Variants in RPTOR observed in about 807,000 individuals in gnomAD.
The protein encoded by RPTOR is regulatory associated protein of MTOR complex 1, also known as regulatory-associated protein of mTOR.
A neutral mutation model predicts 169.9 loss-of-function variants in RPTOR; 21 were observed. That is an observed-to-expected ratio of 0.12 (90% CI 0.09 to 0.18). RPTOR has a LOEUF of 0.18. Among genes scored for constraint, RPTOR ranks in the 10% least tolerant of loss-of-function variants. RPTOR has a pLI of 1.00. For synonymous variants in RPTOR, 732 were observed against 753.2 expected (o/e 0.97, Z 0.46); for missense variants, 1,133 against 1,855.9 (o/e 0.61, Z 7.16).
At position 80,820,654 on chromosome 17, in the gene RPTOR, C is replaced by G. The variant is rs549932673; in HGVS notation, c.891-1547C>G. 2.6e-5 allele frequency among the ~76,000 whole-genome samples: 4 copies of G among 152,222 alleles called. No homozygotes were observed. Among genetic ancestry groups the G allele is most frequent in the Non-Finnish European group, 5.9e-5 (4 of 68,036 alleles). Reference sequence around the variant, plus strand: ...TGCTCGGAGGTCGGAGGGCAGGCAGCCTGGCCATTCCTCCTGCGCACAGTG... The same window carrying G: ...TGCTCGGAGGTCGGAGGGCAGGCAGGCTGGCCATTCCTCCTGCGCACAGTG... On this transcript the variant is annotated intron_variant, in intron 7 of 33. Coordinates refer to ENST00000306801, the MANE Select transcript of RPTOR (RefSeq NM_020761.3). The surrounding 1 kb of genome is among the most constrained non-coding windows in gnomAD (Gnocchi z 4.1).
At chr17:80,848,947 A>G (rs61364990) in intron 11 of RPTOR, among the ~76,000 whole-genome samples, 10,746 of 152,276 alleles carry the variant, frequency 0.071, 1,208 homozygotes, top group African/African-American at 0.24. Flanking sequence ...CATTTCCCAC[A>G]TGATTTTCCA....
intron 1 of RPTOR, among the ~76,000 whole-genome samples, chr17:80,556,337 C>A (rs2084408229): frequency 6.6e-6 from 1 of 152,130 alleles, no homozygotes; most frequent in Non-Finnish European, 1.5e-5. Flanking sequence ...CAAAGTGAGG[C>A]CCTGTCTCTA....
intron 1 of RPTOR, among the ~76,000 whole-genome samples, chr17:80,610,994 T>C (rs576924070): frequency 1.3e-5 from 2 of 152,332 alleles, no homozygotes; most frequent in East Asian, 3.9e-4. Context: ...AGTAAAATGC[T>C]TTTTATTACC....
chr17:80,607,046 C>A (rs1330227414), intron 1 of RPTOR, among the ~76,000 whole-genome samples: 1 of 152,158 alleles, frequency 6.6e-6, no homozygotes, highest in Non-Finnish European at 1.5e-5. Flanking sequence ...TACTTCTTAG[C>A]AGCTGAGTGT....
At chr17:80,841,844 ACACT>A (rs1156682941) in intron 10 of RPTOR, among the ~76,000 whole-genome samples, 2 of 128,600 alleles carry the variant, frequency 1.6e-5, no homozygotes, top group Non-Finnish European at 3.2e-5. Flanking sequence ...ACGGCAGCTC[ACACT>A]CACCGCACGG....
chr17:80,644,756 TAGAGTA>T (rs2065580934), intron 3 of RPTOR, among the ~76,000 whole-genome samples: 1 of 152,202 alleles, frequency 6.6e-6, no homozygotes, highest in Non-Finnish European at 1.5e-5. Context: ...TTTACATTCT[TAGAGTA>T]AGAGAACAGC....
chr17:80,661,287 A>C (rs1439752113), intron 3 of RPTOR, among the ~76,000 whole-genome samples: 1 of 152,166 alleles, frequency 6.6e-6, no homozygotes, highest in Non-Finnish European at 1.5e-5. Flanking sequence ...GAAAAATTCC[A>C]AGTCTCAGCA....
chr17:80,688,245 C>T (rs550594860), intron 3 of RPTOR, among the ~76,000 whole-genome samples: 5 of 152,290 alleles, frequency 3.3e-5, no homozygotes, highest in South Asian at 2.1e-4. Flanking sequence ...AAGTTAGACA[C>T]TATCCTCTCC....
At chr17:80,576,989 C>T (rs1352245854) in intron 1 of RPTOR, among the ~76,000 whole-genome samples, 1 of 152,084 alleles carries the variant, frequency 6.6e-6, no homozygotes, top group African/African-American at 2.4e-5. Context: ...CAGGCGTGAG[C>T]TCCCATGCCT....
intron 11 of RPTOR, among the ~76,000 whole-genome samples, chr17:80,854,516 A>G (rs2143740812): frequency 6.6e-6 from 1 of 152,332 alleles, no homozygotes; most frequent in South Asian, 2.1e-4. Flanking sequence ...TACCTTTTTA[A>G]TACTCACATT....
Position 80,903,372 on chromosome 17 carries a change from C to T in RPTOR, c.2402-5439C>T, listed in dbSNP as rs551336017. 3.9e-5 allele frequency among the ~76,000 whole-genome samples: 6 copies of T among 152,300 alleles called. No homozygotes were observed. In the East Asian group the frequency reaches 5.8e-4, roughly 15 times the overall value. On this transcript the variant is annotated intron_variant, in intron 20 of 33. Coordinates refer to ENST00000306801, the MANE Select transcript of RPTOR (RefSeq NM_020761.3). ...ACTGCCTTTGGAGGAAAGAGGAGCC[C>T]GGAGACCCGAGCCCAGAAACTGGGG... is the stretch of plus-strand genomic sequence containing the variant.
intron 1 of RPTOR, among the ~76,000 whole-genome samples, chr17:80,564,968 T>G (rs1177105325): frequency 6.6e-6 from 1 of 152,228 alleles, no homozygotes; most frequent in Non-Finnish European, 1.5e-5. Context: ...GCACCACCTT[T>G]TCTTTTCTAT....
chr17:80,766,546 T>TG (rs1206613677), intron 6 of RPTOR, among the ~76,000 whole-genome samples: 5 of 152,328 alleles, frequency 3.3e-5, no homozygotes, highest in African/African-American at 1.2e-4. Flanking sequence ...TTAACATATC[T>TG]GGGGTCCAGA....
intron 7 of RPTOR, among the ~76,000 whole-genome samples, chr17:80,810,839 T>A (rs1015027789): frequency 4.6e-5 from 7 of 152,232 alleles, no homozygotes; most frequent in Non-Finnish European, 8.8e-5. Context: ...TCTGTACATA[T>A]CTTGCAAATA....
chr17:80,835,087 G>T (rs917118638), intron 9 of RPTOR, among the ~76,000 whole-genome samples: 1 of 152,124 alleles, frequency 6.6e-6, no homozygotes, highest in Admixed American at 6.5e-5. Context: ...GCTATTTATT[G>T]CACGTACTTT....
intron 4 of RPTOR, among the ~76,000 whole-genome samples, chr17:80,729,935 T>C (rs1266671648): frequency 6.6e-6 from 1 of 152,134 alleles, no homozygotes; most frequent in Non-Finnish European, 1.5e-5. Context: ...TCTGGTTCCA[T>C]GGAGGGAGGT....
intron 6 of RPTOR, among the ~76,000 whole-genome samples, chr17:80,779,421 C>T (rs777923828): frequency 3.9e-5 from 6 of 152,204 alleles, no homozygotes; most frequent in Admixed American, 6.5e-5. Flanking sequence ...GACTTGCAGT[C>T]GGCGAGGAAC....
intron 3 of RPTOR, among the ~76,000 whole-genome samples, chr17:80,654,433 C>T (rs1022995155): frequency 1.3e-5 from 2 of 152,264 alleles, no homozygotes; most frequent in Non-Finnish European, 2.9e-5. Context: ...CCCAGAGAGG[C>T]CGATCAGCTC....
At chr17:80,765,677 T>C (rs2066779256) in intron 6 of RPTOR, among the ~76,000 whole-genome samples, 1 of 152,182 alleles carries the variant, frequency 6.6e-6, no homozygotes, top group African/African-American at 2.4e-5. Context: ...CCTCTCTCTC[T>C]CCTGCCCAGC....
Sources: gnomAD v4.1 joint callset for allele counts (sites outside exome capture counted in the v4.1 genomes callset) on GRCh38, gnomAD v4.1.1 for gene constraint, Gnocchi (gnomAD v3.1) non-coding constraint, MANE v1.5 for transcripts, NCBI Gene and HGNC (gene_info 2026-07-23, HGNC 2026-07-21) for gene names.